The following FILIP1L variants were observed in gnomAD, a reference collection of about 807,000 sequenced individuals.
FILIP1L encodes the protein filamin A interacting protein 1 like.
FILIP1L carries 55 observed loss-of-function variants against 96.6 expected under a neutral mutation model. That is an observed-to-expected ratio of 0.57 (90% CI 0.46 to 0.71). FILIP1L has a LOEUF of 0.71. FILIP1L is among the 30% of genes least tolerant of loss of function. FILIP1L has a pLI of 0.00. For synonymous variants in FILIP1L, 467 were observed against 473.9 expected, an observed-to-expected ratio of 0.99 and a Z score of 0.19; for missense variants, 1,304 against 1,321.2, an observed-to-expected ratio of 0.99 and a Z score of 0.20.
intron 5 of FILIP1L, among the ~76,000 whole-genome samples, chr3:99,847,063 C>T (rs556848701): frequency 1.1e-4 from 16 of 152,280 alleles, no homozygotes; most frequent in Non-Finnish European, 2.1e-4. Context: ...TTATTCTCAT[C>T]TATATTGTAA....
chr3:99,907,209 G>A (rs1482756527), intron 4 of FILIP1L, among the ~76,000 whole-genome samples: 1 of 152,006 alleles, frequency 6.6e-6, no homozygotes, highest in African/African-American at 2.4e-5. Flanking sequence ...ATGGAATGGT[G>A]TGGAATAGTT....
rs556075050 is a variant in FILIP1L at position 99,859,782 on chromosome 3, C to G, written c.606-8712G>C. Among the ~76,000 whole-genome samples, 433 of 147,338 alleles carry G rather than the reference C, an allele frequency of 2.9e-3. 1 individual carries two copies. Among genetic ancestry groups the G allele is most frequent in the South Asian group, 0.024 (112 of 4,588 alleles). On this transcript the variant is annotated intron_variant, in intron 4 of 5. Transcript: ENST00000477258. ...CTTTATTTGAGATAAATTTTGGTATCAGGCCTATAATTTATGTTTCCTTGC... is the reference window on the plus strand; with the variant it reads ...CTTTATTTGAGATAAATTTTGGTATGAGGCCTATAATTTATGTTTCCTTGC...
intron 4 of FILIP1L, among the ~76,000 whole-genome samples, chr3:99,900,784 G>A (rs1706410515): frequency 6.6e-6 from 1 of 152,204 alleles, no homozygotes; most frequent in Non-Finnish European, 1.5e-5. Context: ...TGCTGTTTCA[G>A]CCTCAGAGAT....
At chr3:100,017,128 G>A (rs1056771187) in intron 1 of FILIP1L, among the ~76,000 whole-genome samples, 2 of 152,060 alleles carry the variant, frequency 1.3e-5, no homozygotes, top group Non-Finnish European at 2.9e-5. Flanking sequence ...GATATTTCCT[G>A]AAAATGTTTG....
At chr3:100,057,987 ACT>A (rs1186539502) in intron 1 of FILIP1L, among the ~76,000 whole-genome samples, 1 of 152,036 alleles carries the variant, frequency 6.6e-6, no homozygotes, top group African/African-American at 2.4e-5. Flanking sequence ...TTAGAGGCTG[ACT>A]CTCTGTGAGG....
At chr3:99,964,849 GA>G (rs1470433503) in intron 1 of FILIP1L, among the ~76,000 whole-genome samples, 1 of 152,054 alleles carries the variant, frequency 6.6e-6, no homozygotes, top group Non-Finnish European at 1.5e-5. Context: ...TGTAACTGTG[GA>G]AAAACTCTTT....
chr3:100,068,833 G>A (rs191002997), intron 1 of FILIP1L, among the ~76,000 whole-genome samples: 25 of 152,246 alleles, frequency 1.6e-4, no homozygotes, highest in African/African-American at 5.5e-4. Context: ...TCACCATGTT[G>A]GCCAGGCTGG....
chr3:99,893,862 C>T (rs1029477721), intron 4 of FILIP1L, among the ~76,000 whole-genome samples: 58 of 152,308 alleles, frequency 3.8e-4, no homozygotes, highest in African/African-American at 1.3e-3. Context: ...CAACCCAAGA[C>T]GTTTTGAAGG....
intron 4 of FILIP1L, among the ~76,000 whole-genome samples, chr3:99,887,128 G>A (rs150206320): frequency 1.9e-3 from 293 of 151,888 alleles, no homozygotes; most frequent in African/African-American, 6.2e-3. Context: ...AAAATTAGCC[G>A]GGCATGGTGG....
chr3:99,878,064 T>C (rs1346334081), intron 4 of FILIP1L, among the ~76,000 whole-genome samples: 1 of 152,228 alleles, frequency 6.6e-6, no homozygotes, highest in Non-Finnish European at 1.5e-5. Flanking sequence ...TTCTGAAGAA[T>C]AGAGGAAAGA....
At chr3:100,041,222 CA>C (rs1193623743) in intron 1 of FILIP1L, 1 of 152,150 alleles carries the variant, frequency 6.6e-6, no homozygotes, top group Non-Finnish European at 1.5e-5. Flanking sequence ...ATGGAATCTA[CA>C]AAATGGCCTA....
intron 1 of FILIP1L, among the ~76,000 whole-genome samples, chr3:99,994,429 A>G (rs954175202): frequency 6.6e-6 from 1 of 152,224 alleles, no homozygotes; most frequent in Non-Finnish European, 1.5e-5. Context: ...TAACTACAGA[A>G]CATATATTTT....
chr3:99,958,558 CG>C (rs1271555426), intron 1 of FILIP1L, among the ~76,000 whole-genome samples: 1 of 152,076 alleles, frequency 6.6e-6, no homozygotes, highest in Non-Finnish European at 1.5e-5. Context: ...AGGAATTCCA[CG>C]GGGAAATGGT....
At chr3:99,946,291 T>G (rs896988385) in intron 1 of FILIP1L, among the ~76,000 whole-genome samples, 3 of 152,240 alleles carry the variant, frequency 2.0e-5, no homozygotes, top group African/African-American at 4.8e-5. Context: ...TAGGCTTTTA[T>G]AACTATGTCT....
chr3:99,981,639 GAC>G (rs1460940459), intron 1 of FILIP1L, among the ~76,000 whole-genome samples: 1 of 152,084 alleles, frequency 6.6e-6, no homozygotes, highest in Non-Finnish European at 1.5e-5. Context: ...GTGGAAAATT[GAC>G]AGTTTCAATA....
chr3:100,104,309 A>C (rs1374668887), intron 1 of FILIP1L, among the ~76,000 whole-genome samples: 1 of 152,144 alleles, frequency 6.6e-6, no homozygotes, highest in Non-Finnish European at 1.5e-5. Flanking sequence ...TGGAATCAAG[A>C]CCAAGATGAC....
intron 5 of FILIP1L, among the ~76,000 whole-genome samples, chr3:99,837,609 G>T (rs1942953986): frequency 6.6e-6 from 1 of 152,196 alleles, no homozygotes; most frequent in Non-Finnish European, 1.5e-5. Flanking sequence ...TTTTACTTGG[G>T]ATGCTTCCTT....
chr3:99,878,863 T>C (rs954150247), intron 4 of FILIP1L, among the ~76,000 whole-genome samples: 3 of 152,250 alleles, frequency 2.0e-5, no homozygotes, highest in Non-Finnish European at 4.4e-5. Flanking sequence ...AGTAGACTTT[T>C]ATTTCCTTCC....
chr3:100,070,439 TA>T (rs34395519), intron 1 of FILIP1L, among the ~76,000 whole-genome samples: 74,929 of 151,930 alleles, frequency 0.49, 18,915 homozygotes, highest in East Asian at 0.69. Flanking sequence ...AGGACTTGAA[TA>T]TTAAATAATG....
Sources: gnomAD v4.1 joint callset for allele counts (sites outside exome capture counted in the v4.1 genomes callset) on GRCh38, gnomAD v4.1.1 for gene constraint, MANE v1.5 for transcripts, NCBI Gene and HGNC (gene_info 2026-07-23, HGNC 2026-07-21) for gene names.